Variants in TMPRSS11A observed in about 807,000 individuals in gnomAD.
The protein encoded by TMPRSS11A is transmembrane serine protease 11A, also known as transmembrane protease serine 11A.
TMPRSS11A carries 53 observed loss-of-function variants against 58.9 expected under a neutral mutation model. The ratio of observed to expected loss-of-function variants is 0.90; its 90% CI spans 0.72 to 1.13. The LOEUF (loss-of-function observed/expected upper bound fraction) is 1.13, where lower values mean the gene tolerates loss of function less well. Ranked by LOEUF, TMPRSS11A falls within the 50% of genes most tolerant of loss-of-function variation. TMPRSS11A has a pLI of 0.00. For synonymous variants in TMPRSS11A, 167 were observed against 169.8 expected, an observed-to-expected ratio of 0.98 and a Z score of 0.13; for missense variants, 493 against 499.3, an observed-to-expected ratio of 0.99 and a Z score of 0.12.
rs1376483159 is a variant in TMPRSS11A at position 67,929,927 on chromosome 4, C to T, written c.434G>A (p.Arg145Lys). Residue 145 changes from arginine (R) to lysine (K), a missense_variant, in exon 5 of 10, where the codon AGG becomes AAG. By Grantham distance (26) the Arg-to-Lys change is conservative (BLOSUM62 2). Coordinates refer to ENST00000508048, the MANE Select transcript of TMPRSS11A (RefSeq NM_001114387.2). The stretch of plus-strand genomic sequence containing the variant: ...ATTTATTGGCAAGGCTCTTAAATTC[C>T]TTATCTTCTGATTTAAGATGCTTTG... The part of the protein sequence containing the change: ...KIQSILNQKI[R>K]NLRALPINAS... The T allele has an allele frequency of 1.2e-6, 2 of 1,613,682 alleles. No homozygotes were observed. Among genetic ancestry groups the T allele is most frequent in the Non-Finnish European group, 1.7e-6 (2 of 1,179,696 alleles).
At chr4:67,955,109 AG>A (rs1486588083) in intron 1 of TMPRSS11A, among the ~76,000 whole-genome samples, 2 of 152,182 alleles carry the variant, frequency 1.3e-5, no homozygotes, top group African/African-American at 4.8e-5. Flanking sequence ...GTTGCCCCAT[AG>A]GAGGGAGTTT....
rs373447572 is a variant in TMPRSS11A at position 67,924,135 on chromosome 4, G to C, written c.513C>G (p.Val171=). The change falls in exon 6 of 10, where the codon GTC becomes GTG. Residue 171 remains valine (V), a synonymous_variant. Transcript: ENST00000508048. The part of the protein sequence containing the change: ...AMSSSTGELT[V]QASCGKRVVP... ...TAAGCTAACTTGACTTACTTGCTTG[G>C]ACAGTTAACTCCCCTGTTGATGAGC... The C allele has an allele frequency of 8.1e-6, 13 of 1,613,174 alleles. No homozygotes were observed. Among genetic ancestry groups the C allele is most frequent in the East Asian group, 6.7e-5 (3 of 44,784 alleles).
intron 8 of TMPRSS11A, among the ~76,000 whole-genome samples, chr4:67,916,759 G>T (rs1429602472): frequency 6.6e-6 from 1 of 151,986 alleles, no homozygotes; most frequent in African/African-American, 2.4e-5. Context: ...CCCGGGAGGC[G>T]GAGTTTGCAG....
At chr4:67,948,263 A>T (rs953596359) in intron 1 of TMPRSS11A, among the ~76,000 whole-genome samples, 2 of 143,768 alleles carry the variant, frequency 1.4e-5, no homozygotes, top group African/African-American at 5.3e-5. Flanking sequence ...GGTTCACGCC[A>T]TTCTCCTGCC....
intron 1 of TMPRSS11A, among the ~76,000 whole-genome samples, chr4:67,958,631 C>A (rs144888249): frequency 3.2e-4 from 49 of 152,318 alleles, no homozygotes; most frequent in African/African-American, 1.0e-3. Flanking sequence ...TGCCTTGTCT[C>A]AGATGAGACT....
rs751530063 is a variant in TMPRSS11A, at chr4:67,944,551, G to A, written c.220C>T (p.Leu74Phe). ...NNFGQSNTYQ[L>F]KDLRETTENL... is the part of the protein sequence containing the mutation. ...TCGGTCGTCTCTCGTAAGTCCTTAA[G>A]TTGATATGTGTTGCTTTGTCCGAAA... Residue 74 changes from leucine (L) to phenylalanine (F), a missense_variant, in exon 3 of 10, where the codon CTT becomes TTT. Transcript: ENST00000508048. 4 of 1,612,918 alleles carry A rather than the reference G, an allele frequency of 2.5e-6. No individual in the cohort carries two copies. The highest frequency in any genetic ancestry group is 2.7e-5 in the African/African-American group (2 of 74,882).
chr4:67,950,522 T>C (rs1721130905), intron 1 of TMPRSS11A, among the ~76,000 whole-genome samples: 1 of 152,218 alleles, frequency 6.6e-6, no homozygotes, highest in Non-Finnish European at 1.5e-5. Flanking sequence ...TCGGGAACTT[T>C]ATTACATCTG....
At chr4:67,940,573 G>T (rs1720855726) in intron 3 of TMPRSS11A, among the ~76,000 whole-genome samples, 1 of 152,078 alleles carries the variant, frequency 6.6e-6, no homozygotes, top group Admixed American at 6.6e-5. Context: ...ATTTCTGTGG[G>T]ATTGGTTGTA....
intron 8 of TMPRSS11A, among the ~76,000 whole-genome samples, chr4:67,916,124 G>C (rs1012461932): frequency 2.0e-4 from 31 of 152,070 alleles, no homozygotes; most frequent in Admixed American, 6.6e-5. Context: ...TACAAGAGTA[G>C]ATATTAAGTG....
intron 3 of TMPRSS11A, among the ~76,000 whole-genome samples, chr4:67,939,885 C>T (rs1720840064): frequency 6.6e-6 from 1 of 152,046 alleles, no homozygotes; most frequent in Non-Finnish European, 1.5e-5. Flanking sequence ...GATGGGGTTT[C>T]ACCATGTTGG....
chr4:67,924,254 T>C (rs2109742625), intron 5 of TMPRSS11A, 88 bp from the exon 6 acceptor site: 1 of 1,081,654 alleles, frequency 9.2e-7, no homozygotes, highest in South Asian at 1.3e-5. Flanking sequence ...ATACTGACCA[T>C]ATATGGATTC....
chr4:67,932,535 G>A (rs1172068094), intron 3 of TMPRSS11A, among the ~76,000 whole-genome samples: 1 of 152,120 alleles, frequency 6.6e-6, no homozygotes, highest in Non-Finnish European at 1.5e-5. Context: ...ATCAATTTGA[G>A]CCTCAGTTTT....
chr4:67,942,189 T>C lies in TMPRSS11A; in HGVS notation c.252+2330A>G, dbSNP rs112552896. Among the ~76,000 whole-genome samples the C allele has an allele frequency of 5.5e-3, 841 of 152,288 alleles. 3 individuals carry two copies. The highest frequency in any genetic ancestry group is 8.7e-3 in the Non-Finnish European group (593 of 68,024). The stretch of plus-strand genomic sequence containing the variant: ...CAAATAAAATACTACTTTATACATA[T>C]TAGGGTGGCAAATTTAGAAAGCCAA... On this transcript the variant is annotated intron_variant, in intron 3 of 9. Coordinates refer to ENST00000508048, the MANE Select transcript of TMPRSS11A (RefSeq NM_001114387.2).
At chr4:67,954,773 G>A (rs1044817748) in intron 1 of TMPRSS11A, among the ~76,000 whole-genome samples, 3 of 152,266 alleles carry the variant, frequency 2.0e-5, no homozygotes, top group South Asian at 2.1e-4. Context: ...GTTCAAGTCC[G>A]AGTTGGCCAC....
At chr4:67,955,180 A>T (rs1415226455) in intron 1 of TMPRSS11A, among the ~76,000 whole-genome samples, 1 of 152,208 alleles carries the variant, frequency 6.6e-6, no homozygotes, top group African/African-American at 2.4e-5. Context: ...ACCAACACAA[A>T]GTATACTCCA....
At chr4:67,939,328 G>A (rs1279970089) in intron 3 of TMPRSS11A, among the ~76,000 whole-genome samples, 1 of 152,112 alleles carries the variant, frequency 6.6e-6, no homozygotes, top group East Asian at 1.9e-4. Context: ...AGTCTTTAGG[G>A]TTTTCTAGGC....
At chr4:67,946,694 G>A in intron 1 of TMPRSS11A, 123 bp from the exon 2 acceptor site, 4 of 941,838 alleles carry the variant, frequency 4.2e-6, no homozygotes, top group Non-Finnish European at 5.9e-6. Context: ...CTTTAATTTT[G>A]TTCAATGTCA....
rs1016171410 is a variant in TMPRSS11A, at chr4:67,940,577, G to C, written c.252+3942C>G. Among the ~76,000 whole-genome samples the C allele has an allele frequency of 2.6e-5, 4 of 152,198 alleles. No homozygotes were observed. In the East Asian group the frequency reaches 5.8e-4, roughly 22 times the overall value. ...CGATCTTTTGTATTTCTGTGGGATT[G>C]GTTGTAATGTTACCTCTATCATTTC... On this transcript the variant is annotated intron_variant, in intron 3 of 9. Coordinates refer to ENST00000508048, the MANE Select transcript of TMPRSS11A (RefSeq NM_001114387.2).
intron 1 of TMPRSS11A, among the ~76,000 whole-genome samples, chr4:67,956,525 G>A (rs1401078711): frequency 2.6e-5 from 4 of 152,164 alleles, no homozygotes; most frequent in African/African-American, 7.2e-5. Flanking sequence ...TCAGTTTAAT[G>A]TCCAGTAACT....
Sources: gnomAD v4.1 joint callset for allele counts (sites outside exome capture counted in the v4.1 genomes callset) on GRCh38, gnomAD v4.1.1 for gene constraint, MANE v1.5 for transcripts, NCBI Gene and HGNC (gene_info 2026-07-23, HGNC 2026-07-21) for gene names.